MFSD11: variants seen among roughly 807,000 people sequenced by gnomAD.
MFSD11 encodes the protein UNC93-like protein MFSD11.
A neutral mutation model predicts 53.5 loss-of-function variants in MFSD11; 36 were observed. That is an observed-to-expected ratio of 0.67 (90% confidence interval 0.52 to 0.89). The LOEUF (loss-of-function observed/expected upper bound fraction) is 0.89, where lower values mean the gene tolerates loss of function less well. Ranked by LOEUF, MFSD11 falls within the 40% of genes least tolerant of loss-of-function variation. The pLI is 0.00. For missense variants in MFSD11, 530 were observed against 543.9 expected (o/e 0.97, Z 0.25); for synonymous variants, 186 against 184.9 (o/e 1.01, Z -0.05).
chr17:76,736,689 C>G (rs2077511565), upstream of MFSD11: 1 of 1,288,804 alleles, frequency 7.8e-7, no homozygotes, highest in Admixed American at 4.1e-5. Flanking sequence ...GGCGTGCACC[C>G]CCGCCCCGTC....
At position 76,744,314 on chromosome 17, in the gene MFSD11, C is replaced by T. The variant is rs200217551; in HGVS notation, c.497-8C>T. 1.9e-6 allele frequency: 3 copies of T among 1,597,834 alleles called. No individual in the cohort carries two copies. Among genetic ancestry groups the T allele is most frequent in the Non-Finnish European group, 2.6e-6 (3 of 1,175,114 alleles). Reference sequence around the variant, plus strand: ...GATACTATCTTGTTTCTTCTTTTTTCTCCGTAGAGAGTGACCGAAGAACAG... The same window carrying T: ...GATACTATCTTGTTTCTTCTTTTTTTTCCGTAGAGAGTGACCGAAGAACAG... On this transcript the variant is annotated splice_region_variant and splice_polypyrimidine_tract_variant and intron_variant, in intron 6 of 12. Transcript: ENST00000685175.
chr17:76,770,795 G>T (rs1467232569), intron 10 of MFSD11, among the ~76,000 whole-genome samples: 1 of 152,212 alleles, frequency 6.6e-6, no homozygotes, highest in Non-Finnish European at 1.5e-5. Flanking sequence ...AAAGGGTGGG[G>T]TCTGAAAGGG....
the MFSD11 span, among the ~76,000 whole-genome samples, chr17:76,798,165 C>T: frequency 6.6e-6 from 1 of 152,068 alleles, no homozygotes; most frequent in Non-Finnish European, 1.5e-5. Flanking sequence ...TGGGATTACA[C>T]GTCGGAGCCA....
upstream of MFSD11, chr17:76,736,714 G>A (rs940411297): frequency 8.9e-6 from 12 of 1,343,376 alleles, no homozygotes; most frequent in Admixed American, 3.8e-5. Context: ...CCCGCACCAC[G>A]TGCTTCGCCG....
At chr17:76,760,610 A>C (rs1036305186) in intron 8 of MFSD11, among the ~76,000 whole-genome samples, 1 of 151,730 alleles carries the variant, frequency 6.6e-6, no homozygotes, top group Non-Finnish European at 1.5e-5. Context: ...GGCTCACTGC[A>C]ACCTCCACCT....
chr17:76,771,508 T>G (rs1418683302), intron 10 of MFSD11, among the ~76,000 whole-genome samples: 1 of 152,240 alleles, frequency 6.6e-6, no homozygotes, highest in Non-Finnish European at 1.5e-5. Flanking sequence ...ATATAGAGCT[T>G]ATATTCTTGA....
chr17:76,791,186 G>A, the MFSD11 span, among the ~76,000 whole-genome samples: 2 of 148,640 alleles, frequency 1.3e-5, no homozygotes, highest in Admixed American at 1.3e-4. Flanking sequence ...AAGTTTTGAT[G>A]TTCTTATCAA....
chr17:76,776,554 G>T lies in MFSD11; in HGVS notation c.1185+13G>T. The T allele has an allele frequency of 6.2e-7, 1 of 1,612,706 alleles. No individual in the cohort carries two copies. The highest frequency in any genetic ancestry group is 8.5e-7 in the Non-Finnish European group (1 of 1,179,636). ...CAAGTTTGTTCAGGTAACCTCTTCA[G>T]ATTGTGATTGTGTTTGACATAGGGC... On this transcript the variant is annotated intron_variant, in intron 12 of 12. Coordinates refer to ENST00000685175, the MANE Select transcript of MFSD11 (RefSeq NM_001242532.5). This position sits in a 1 kb window ranked among gnomAD's most constrained non-coding sequence, Gnocchi z 4.2.
At chr17:76,741,929 GTA>G in intron 3 of MFSD11, 38 bp from the exon 4 acceptor site, 1 of 1,613,466 alleles carries the variant, frequency 6.2e-7, no homozygotes, top group East Asian at 2.2e-5. Context: ...TCTATTTCAG[GTA>G]TCGTTTGACT....
rs746268888 is a variant in MFSD11 at position 76,754,207 on chromosome 17, A to G, written c.682+120A>G. 4.2e-6 allele frequency: 3 copies of G among 718,172 alleles called. No individual in the cohort carries two copies. The South Asian group carries it at 4.9e-5, about 12-fold the overall frequency. The allele number at this position is 718,172 out of a possible 1,614,324, so 44.5% of individuals were successfully genotyped here. Reference sequence around the variant, plus strand: ...CCCCAGGGTTTGCATTTTTCCAGGTATGCTGCTCTGAAATATATTGATCTT... The same window carrying G: ...CCCCAGGGTTTGCATTTTTCCAGGTGTGCTGCTCTGAAATATATTGATCTT... On this transcript the variant is annotated intron_variant, in intron 8 of 12. Coordinates refer to ENST00000685175, the MANE Select transcript of MFSD11 (RefSeq NM_001242532.5).
chr17:76,748,820 C>A (rs1469760902), intron 7 of MFSD11, among the ~76,000 whole-genome samples: 4 of 152,068 alleles, frequency 2.6e-5, no homozygotes, highest in African/African-American at 9.7e-5. Context: ...TGTATTCTTT[C>A]CTTCCTCTCT....
downstream of MFSD11, among the ~76,000 whole-genome samples, chr17:76,783,237 C>T (rs1045216236): frequency 8.6e-5 from 13 of 151,764 alleles, no homozygotes; most frequent in African/African-American, 3.1e-4. Context: ...AAACTTTTGT[C>T]TTCATACTTG....
At chr17:76,780,803 T>C (rs2082146963), downstream of MFSD11, among the ~76,000 whole-genome samples, 1 of 152,170 alleles carries the variant, frequency 6.6e-6, no homozygotes, top group African/African-American at 2.4e-5. Context: ...CGTGAGCCAC[T>C]GCGCCCAGCG....
At chr17:76,772,861 A>C (rs1221927359) in intron 10 of MFSD11, among the ~76,000 whole-genome samples, 1 of 152,120 alleles carries the variant, frequency 6.6e-6, no homozygotes, top group Non-Finnish European at 1.5e-5. Flanking sequence ...TAGTTCATTT[A>C]ATTGAAAACA....
At chr17:76,767,922 C>T (rs1197241340) in intron 9 of MFSD11, among the ~76,000 whole-genome samples, 1 of 152,204 alleles carries the variant, frequency 6.6e-6, no homozygotes, top group Non-Finnish European at 1.5e-5. Context: ...AAAACCAGGA[C>T]ACGTGGCTCT....
At chr17:76,756,910 G>C (rs951798443) in intron 8 of MFSD11, among the ~76,000 whole-genome samples, 1 of 151,936 alleles carries the variant, frequency 6.6e-6, no homozygotes, top group East Asian at 1.9e-4. Flanking sequence ...AGGCCAGAGG[G>C]GAAAAGGACT....
In MFSD11 at chr17:76,741,051, G is replaced by A. The variant is rs1228470537; in HGVS notation, c.247G>A (p.Gly83Ser). The A allele has an allele frequency of 6.2e-7, 1 of 1,602,860 alleles. No individual in the cohort carries two copies. Among genetic ancestry groups the A allele is most frequent in the Admixed American group, 1.7e-5 (1 of 59,890 alleles). The change falls in exon 3 of 13, where the codon GGT becomes AGT. Residue 83 changes from glycine (G) to serine (S), a missense_variant. Transcript: ENST00000685175. ...VGPQLSMFAS[G>S]LFYSMYIAVF... Reference sequence around the variant, plus strand: ...ACCTCAACTCTCTATGTTTGCCAGTGGTTTATTTTACAGGTAAGTAGTGTA... The same window carrying A: ...ACCTCAACTCTCTATGTTTGCCAGTAGTTTATTTTACAGGTAAGTAGTGTA...
downstream of MFSD11, among the ~76,000 whole-genome samples, chr17:76,784,166 G>T (rs1336724283): frequency 3.3e-5 from 5 of 152,052 alleles, no homozygotes; most frequent in South Asian, 1.0e-3. Context: ...AGCAATATTT[G>T]TACACCCATA....
chr17:76,736,844 G>A (rs776880365), upstream of MFSD11: 32 of 1,604,942 alleles, frequency 2.0e-5, no homozygotes, highest in Admixed American at 5.0e-4. Flanking sequence ...CCTGCGGGGT[G>A]GCGGTCCCCG....
Sources: allele counts gnomAD v4.1 joint callset (sites outside exome capture counted in the v4.1 genomes callset), GRCh38; gene constraint gnomAD v4.1.1; non-coding constraint Gnocchi (gnomAD v3.1); transcripts MANE v1.5; gene names NCBI Gene and HGNC (gene_info 2026-07-23, HGNC 2026-07-21).